The following CSF2RB variants were observed in gnomAD, a reference collection of about 807,000 sequenced individuals.
CSF2RB encodes colony stimulating factor 2 receptor subunit beta, also known as cytokine receptor common subunit beta.
A neutral mutation model predicts 67.2 loss-of-function variants in CSF2RB; 22 were observed. The observed-to-expected ratio is 0.33, with a 90% CI of 0.23 to 0.47. The LOEUF is 0.47. Among genes scored for constraint, CSF2RB ranks in the 20% least tolerant of loss-of-function variants. The pLI, the probability that CSF2RB is intolerant of heterozygous loss-of-function variation, is 1.00. For synonymous variants in CSF2RB, 507 were observed against 482.9 expected (o/e 1.05, Z -0.65); for missense variants, 1,113 against 1,174.5 (o/e 0.95, Z 0.76).
rs749374052 is a variant in CSF2RB at position 36,938,237 on chromosome 22, C to T, written c.2429C>T (p.Pro810Leu). The T allele has an allele frequency of 6.2e-7, 1 of 1,614,066 alleles. No homozygotes were observed. The highest frequency in any genetic ancestry group is 1.3e-5 in the African/African-American group (1 of 74,940). The change falls in exon 14 of 14, where the codon CCC becomes CTC. Residue 810 changes from proline to leucine, a missense_variant. Coordinates refer to ENST00000403662, the MANE Select transcript of CSF2RB (RefSeq NM_000395.3). ...PADVSPTSPQ[P>L]EGLLVLQQVG... The stretch of plus-strand genomic sequence containing the variant: ...GATGTGTCCCCAACATCCCCACAGC[C>T]CGAGGGCCTCCTTGTCCTGCAGCAA...
rs1941218394 is a variant in CSF2RB at position 36,934,052 on chromosome 22, G to A, written c.1315+58G>A. 30 of 1,599,370 alleles carry A rather than the reference G, an allele frequency of 1.9e-5. 1 individual carries two copies. In the Middle Eastern group the frequency reaches 1.5e-3, roughly 80 times the overall value. On this transcript the variant is annotated intron_variant, in intron 10 of 13. Coordinates refer to ENST00000403662, the MANE Select transcript of CSF2RB (RefSeq NM_000395.3). ...CAGGACCAGCTCATAGTTTCTCACTGCCAGAAAATCCCCAATGCAGCAGCC... is the reference window on the plus strand; with the variant it reads ...CAGGACCAGCTCATAGTTTCTCACTACCAGAAAATCCCCAATGCAGCAGCC...
intron 1 of CSF2RB, among the ~76,000 whole-genome samples, chr22:36,914,526 T>G (rs1435879352): frequency 6.6e-6 from 1 of 151,200 alleles, no homozygotes; most frequent in East Asian, 2.0e-4. Context: ...CCAAGTATGC[T>G]GGCTGGGTGG....
Position 36,938,013 on chromosome 22 carries a change from C to T in CSF2RB, c.2205C>T (p.Gly735=), listed in dbSNP as rs1569140523. ...CTGTCTCCCTAGTTCCCTCTCTGGG[C>T]CTCCCCTCAGACCAGACCCCCAGCT... ...ASSVSLVPSL[G]LPSDQTPSLC... is the part of the protein sequence containing the mutation. The change falls in exon 14 of 14, where the codon GGC becomes GGT. Residue 735 remains glycine, a synonymous_variant. Coordinates refer to ENST00000403662, the MANE Select transcript of CSF2RB (RefSeq NM_000395.3). 6.2e-7 allele frequency: 1 copy of T among 1,614,088 alleles called. No individual in the cohort carries two copies. The highest frequency in any genetic ancestry group is 8.5e-7 in the Non-Finnish European group (1 of 1,180,006).
At position 36,930,814 on chromosome 22, in the gene CSF2RB, AAAG is replaced by A; in HGVS notation, c.998_1000del (p.Lys333del). 6.2e-7 allele frequency: 1 copy of A among 1,614,144 alleles called. No individual in the cohort carries two copies. On this transcript the variant is annotated inframe_deletion, in exon 8 of 14. Coordinates refer to ENST00000403662, the MANE Select transcript of CSF2RB (RefSeq NM_000395.3). ...AGCCAAGGAGGGCAGAGAAACACAT[AAAG>A]AGCTCAGTGAACAGTGAGTTTGCTC...
rs751884094 is a variant in CSF2RB at position 36,937,811 on chromosome 22, T to C, written c.2003T>C (p.Leu668Pro). 3.1e-6 allele frequency: 5 copies of C among 1,600,022 alleles called. No homozygotes were observed. The Admixed American group carries it at 5.3e-5, about 17-fold the overall frequency. ...PSQGAAGSPSLESGGGPAPPA... is the reference protein window; with the variant it reads ...PSQGAAGSPSPESGGGPAPPA... ...CAGGGGGCTGCAGGGAGTCCCTCCC[T>C]GGAGTCCGGGGGAGGCCCTGCCCCT... The change falls in exon 14 of 14, where the codon CTG (leucine) becomes CCG (proline). Residue 668 changes from leucine to proline, a missense_variant. Around this residue, in one of 2 missense-constraint regions of CSF2RB, gnomAD observed 554 missense variants for 517.9 expected, o/e 1.07. Coordinates refer to ENST00000403662, the MANE Select transcript of CSF2RB (RefSeq NM_000395.3). This position sits in a 1 kb window ranked among gnomAD's most constrained non-coding sequence, Gnocchi z 4.6.
intron 1 of CSF2RB, 88 bp downstream of exon 1, chr22:36,913,765 G>A (rs73883974): frequency 0.043 from 6,544 of 153,286 alleles, 195 homozygotes; most frequent in African/African-American, 0.083. Flanking sequence ...AGGACAGGGG[G>A]AGCCTGGGGG....
intron 1 of CSF2RB, among the ~76,000 whole-genome samples, chr22:36,918,484 A>C (rs1940774292): frequency 6.6e-6 from 1 of 152,202 alleles, no homozygotes. Flanking sequence ...TACCAGTGAG[A>C]ACTAGGCATG....
intron 12 of CSF2RB, 80 bp from the exon 13 acceptor site, chr22:36,936,469 C>T (rs1601593481): frequency 3.7e-6 from 4 of 1,079,852 alleles, no homozygotes; most frequent in Non-Finnish European, 1.4e-6. Context: ...TTGAATCCTC[C>T]TGCACCCCCG....
intron 1 of CSF2RB, among the ~76,000 whole-genome samples, chr22:36,921,282 ATATGTGTG>A (rs1940862217): frequency 2.0e-5 from 1 of 49,996 alleles, no homozygotes; most frequent in Non-Finnish European, 6.5e-5. Flanking sequence ...TTGTGTGTGT[ATATGTGTG>A]TATATTGTAT....
chr22:36,918,728 A>T (rs9607391), intron 1 of CSF2RB, among the ~76,000 whole-genome samples: 67,130 of 152,108 alleles, frequency 0.44, 16,805 homozygotes, highest in Admixed American at 0.58. Flanking sequence ...TAAGCAACAG[A>T]GGCTTAACAA....
chr22:36,930,871 C>A (rs1043276087), intron 8 of CSF2RB, 41 bp downstream of exon 8: 2 of 1,608,716 alleles, frequency 1.2e-6, no homozygotes, highest in Non-Finnish European at 8.5e-7. Flanking sequence ...GGTCTGGGAC[C>A]AGCACACCCT....
intron 3 of CSF2RB, among the ~76,000 whole-genome samples, chr22:36,925,040 C>T (rs1029593496): frequency 1.3e-5 from 2 of 152,226 alleles, no homozygotes; most frequent in South Asian, 2.1e-4. Context: ...CAGGTGTCTC[C>T]GACTCCAAAC....
Position 36,938,062 on chromosome 22 carries a change from C to T in CSF2RB, c.2254C>T (p.Pro752Ser), listed in dbSNP as rs376529446. Residue 752 changes from proline to serine, a missense_variant, in exon 14 of 14, where the codon CCC becomes TCC. By Grantham distance (74) the Pro-to-Ser change is moderately conservative. Transcript: ENST00000403662. The part of the protein sequence containing the change: ...PSLCPGLASG[P>S]PGAPGPVKSG... The stretch of plus-strand genomic sequence containing the variant: ...CTTATGTCCTGGGCTGGCCAGTGGA[C>T]CCCCTGGAGCCCCAGGCCCTGTGAA... 8.1e-6 allele frequency: 13 copies of T among 1,614,116 alleles called. No individual in the cohort carries two copies. The highest frequency in any genetic ancestry group is 1.3e-5 in the African/African-American group (1 of 75,046).
In CSF2RB at chr22:36,937,470, G is replaced by T. The variant is rs752226094; in HGVS notation, c.1662G>T (p.Thr554=). ...HVCDPPSGPD[T]TPAASDLPTE... ...GTGATCCACCATCTGGGCCTGACAC[G>T]ACTCCAGCTGCCTCAGATCTACCCA... Residue 554 remains threonine (T), a synonymous_variant, in exon 14 of 14, where the codon ACG becomes ACT. Transcript: ENST00000403662. This position sits in a 1 kb window ranked among gnomAD's most constrained non-coding sequence, Gnocchi z 4.6. 10 of 1,613,810 alleles carry T rather than the reference G, an allele frequency of 6.2e-6. No individual in the cohort carries two copies. The African/African-American group carries it at 6.7e-5, about 11-fold the overall frequency.
intron 1 of CSF2RB, among the ~76,000 whole-genome samples, chr22:36,921,447 C>T (rs1461218620): frequency 3.3e-5 from 5 of 150,896 alleles, no homozygotes; most frequent in Admixed American, 6.6e-5. Context: ...GTGTGTGTGC[C>T]TGCGTGTGTC....
chr22:36,915,422 T>TA (rs1555921176), intron 1 of CSF2RB, among the ~76,000 whole-genome samples: 65 of 146,402 alleles, frequency 4.4e-4, no homozygotes, highest in Admixed American at 4.1e-4. Flanking sequence ...ATTATTTTAT[T>TA]TATATATATA....
chr22:36,938,544 C>A lies in CSF2RB; in HGVS notation c.*42C>A. The A allele has an allele frequency of 6.4e-7, 1 of 1,570,826 alleles. No individual in the cohort carries two copies. Among genetic ancestry groups the A allele is most frequent in the Non-Finnish European group, 8.6e-7 (1 of 1,157,290 alleles). On this transcript the variant is annotated 3_prime_UTR_variant, in exon 14 of 14. Coordinates refer to ENST00000403662, the MANE Select transcript of CSF2RB (RefSeq NM_000395.3). ...CAGGCAAGGGGATGGAGAGGGCTTG[C>A]CTTCCCTCCCGCCTGACCTTCCTCA... is the stretch of plus-strand genomic sequence containing the variant.
intron 6 of CSF2RB, 60 bp downstream of exon 6, chr22:36,929,867 C>T: frequency 6.4e-7 from 1 of 1,571,384 alleles, no homozygotes; most frequent in Non-Finnish European, 8.6e-7. Flanking sequence ...ATCAGGAGCT[C>T]CTGGCACAGC....
chr22:36,931,706 G>GTTTC (rs905557941), intron 8 of CSF2RB, among the ~76,000 whole-genome samples: 24 of 152,192 alleles, frequency 1.6e-4, no homozygotes, highest in Admixed American at 1.4e-3. Context: ...TCCCTGCCCA[G>GTTTC]TTTCTGCTTT....
Sources: allele counts gnomAD v4.1 joint callset (sites outside exome capture counted in the v4.1 genomes callset), GRCh38; gene constraint gnomAD v4.1.1; regional missense constraint gnomAD v4.1.1; non-coding constraint Gnocchi (gnomAD v3.1); transcripts MANE v1.5; gene names NCBI Gene and HGNC (gene_info 2026-07-23, HGNC 2026-07-21).